ADK: variants seen among roughly 807,000 people sequenced by gnomAD.
ADK encodes adenosine kinase.
A neutral mutation model predicts 44.7 loss-of-function variants in ADK; 24 were observed. The observed-to-expected ratio is 0.54, with a 90% CI of 0.39 to 0.76. The LOEUF (loss-of-function observed/expected upper bound fraction) is 0.76, where lower values mean the gene tolerates loss of function less well. ADK is among the 30% of genes least tolerant of loss of function. The pLI is 0.00. For synonymous variants in ADK, 128 were observed against 142.6 expected (o/e 0.90, Z 0.73); for missense variants, 321 against 425.1 (o/e 0.76, Z 2.15).
chr10:74,430,671 C>T (rs1303710501), intron 6 of ADK, among the ~76,000 whole-genome samples: 1 of 152,122 alleles, frequency 6.6e-6, no homozygotes, highest in South Asian at 2.1e-4. Flanking sequence ...TTAATTCTTA[C>T]ATTCTACCAC....
At chr10:74,660,586 TG>T (rs1282230301) in intron 9 of ADK, among the ~76,000 whole-genome samples, 1 of 151,334 alleles carries the variant, frequency 6.6e-6, no homozygotes, top group African/African-American at 2.4e-5. Context: ...AAGAATCAGC[TG>T]GGCATGGTGG....
In ADK at chr10:74,682,487, A is replaced by C. The variant is rs146078282; in HGVS notation, c.964+12218A>C. 1.6e-3 allele frequency among the ~76,000 whole-genome samples: 248 copies of C among 152,082 alleles called. 2 individuals are homozygous for C. Among genetic ancestry groups the C allele is most frequent in the African/African-American group, 5.9e-3 (243 of 41,488 alleles). On this transcript the variant is annotated intron_variant, in intron 10 of 10. Coordinates refer to ENST00000539909, the MANE Select transcript of ADK (RefSeq NM_006721.4). ...TGTTGTGCTGAACTATCTTAAAGCA[A>C]CCTTTGCTCTAAATTGACTTCCTGT...
At chr10:74,260,875 C>G (rs898598977) in intron 3 of ADK, among the ~76,000 whole-genome samples, 1 of 152,154 alleles carries the variant, frequency 6.6e-6, no homozygotes, top group Non-Finnish European at 1.5e-5. Flanking sequence ...ATAACAGTCT[C>G]CTATCCTACC....
At chr10:74,588,855 G>A (rs1002145417) in intron 7 of ADK, among the ~76,000 whole-genome samples, 3 of 152,076 alleles carry the variant, frequency 2.0e-5, no homozygotes, top group Non-Finnish European at 4.4e-5. Context: ...CATAAATTTC[G>A]TTATGAGGAT....
intron 2 of ADK, among the ~76,000 whole-genome samples, chr10:74,202,378 G>T (rs1299287743): frequency 6.6e-6 from 1 of 152,054 alleles, no homozygotes; most frequent in African/African-American, 2.4e-5. Context: ...GGACACTTAT[G>T]TTGTTTTTAT....
chr10:74,431,136 G>A (rs1844981149), intron 6 of ADK, among the ~76,000 whole-genome samples: 1 of 151,536 alleles, frequency 6.6e-6, no homozygotes, highest in African/African-American at 2.4e-5. Context: ...ACTTATGGTG[G>A]AAGTGTTAAA....
At chr10:74,677,625 CA>C (rs2134220433) in intron 10 of ADK, among the ~76,000 whole-genome samples, 1 of 152,236 alleles carries the variant, frequency 6.6e-6, no homozygotes, top group Non-Finnish European at 1.5e-5. Flanking sequence ...CTTCTTCACT[CA>C]AAAACCAAAA....
chr10:74,386,536 A>T (rs1843147023), intron 4 of ADK, among the ~76,000 whole-genome samples: 1 of 152,148 alleles, frequency 6.6e-6, no homozygotes, highest in Non-Finnish European at 1.5e-5. Flanking sequence ...TTTAGGCCTT[A>T]TTTAAATTCA....
chr10:74,377,892 G>A (rs927527398), intron 4 of ADK, among the ~76,000 whole-genome samples: 1 of 152,146 alleles, frequency 6.6e-6, no homozygotes, highest in Admixed American at 6.6e-5. Flanking sequence ...CTGTTCAGTA[G>A]GTTGGGGCAC....
At chr10:74,321,970 T>C (rs1840823054) in intron 4 of ADK, among the ~76,000 whole-genome samples, 1 of 152,208 alleles carries the variant, frequency 6.6e-6, no homozygotes, top group Non-Finnish European at 1.5e-5. Context: ...GAACTACCAA[T>C]TAGTGTAACA....
At chr10:74,198,666 C>G (rs1485646212) in intron 1 of ADK, among the ~76,000 whole-genome samples, 1 of 152,172 alleles carries the variant, frequency 6.6e-6, no homozygotes, top group Non-Finnish European at 1.5e-5. Flanking sequence ...CTTATTGAGA[C>G]TGATCCAACA....
intron 6 of ADK, among the ~76,000 whole-genome samples, chr10:74,477,329 C>A (rs1006285415): frequency 6.6e-6 from 1 of 152,036 alleles, no homozygotes; most frequent in Non-Finnish European, 1.5e-5. Flanking sequence ...CTCAGCCTCC[C>A]GAGTAGCTGG....
At chr10:74,702,472 A>G (rs1856458388) in intron 10 of ADK, among the ~76,000 whole-genome samples, 1 of 149,412 alleles carries the variant, frequency 6.7e-6, no homozygotes, top group Non-Finnish European at 1.5e-5. Context: ...AGGAGCCACC[A>G]TGGCCAGCCT....
intron 3 of ADK, among the ~76,000 whole-genome samples, chr10:74,274,072 C>A (rs1232204778): frequency 6.6e-6 from 1 of 151,844 alleles, no homozygotes; most frequent in Non-Finnish European, 1.5e-5. Context: ...GGCCATTGAA[C>A]AATATGGGGG....
chr10:74,607,644 C>T (rs1347955441), intron 9 of ADK, among the ~76,000 whole-genome samples: 4 of 152,200 alleles, frequency 2.6e-5, no homozygotes, highest in African/African-American at 9.6e-5. Context: ...CCCAACCTTT[C>T]TCTCTGGCTG....
intron 6 of ADK, among the ~76,000 whole-genome samples, chr10:74,482,842 G>A (rs1847123087): frequency 6.6e-6 from 1 of 152,354 alleles, no homozygotes; most frequent in Admixed American, 6.5e-5. Context: ...GATGCAACGA[G>A]TAGGCTCCCA....
chr10:74,300,213 A>ATTG (rs1190466755), intron 3 of ADK, among the ~76,000 whole-genome samples: 1 of 141,866 alleles, frequency 7.0e-6, no homozygotes, highest in East Asian at 2.0e-4. Flanking sequence ...TGATACTGAT[A>ATTG]TTGTTGTTGT....
intron 3 of ADK, among the ~76,000 whole-genome samples, chr10:74,282,120 T>G (rs546633172): frequency 2.0e-4 from 31 of 152,346 alleles, no homozygotes; most frequent in Admixed American, 1.9e-3. Context: ...AAGGTGACAG[T>G]TTAAAAGATT....
At chr10:74,685,914 T>C (rs1159275683) in intron 10 of ADK, among the ~76,000 whole-genome samples, 1 of 152,088 alleles carries the variant, frequency 6.6e-6, no homozygotes, top group South Asian at 2.1e-4. Flanking sequence ...GAAGATATTA[T>C]AACAGTGGTT....
Sources: gnomAD v4.1 joint callset for allele counts (sites outside exome capture counted in the v4.1 genomes callset) on GRCh38, gnomAD v4.1.1 for gene constraint, MANE v1.5 for transcripts, NCBI Gene and HGNC (gene_info 2026-07-23, HGNC 2026-07-21) for gene names.